SNRNP40: variants seen among roughly 807,000 people sequenced by gnomAD.
The protein encoded by SNRNP40 is U5 small nuclear ribonucleoprotein 40 kDa protein.
A neutral mutation model predicts 45.8 loss-of-function variants in SNRNP40; 21 were observed. The ratio of observed to expected loss-of-function variants is 0.46; its 90% CI spans 0.32 to 0.66. The LOEUF (loss-of-function observed/expected upper bound fraction) is 0.66. SNRNP40 is among the 30% of genes least tolerant of loss of function. SNRNP40 has a pLI of 0.03. For synonymous variants in SNRNP40, 142 were observed against 163.8 expected (o/e 0.87, Z 1.01); for missense variants, 344 against 439.1 (o/e 0.78, Z 1.94).
In SNRNP40 at chr1:31,261,637, AAGGT is replaced by A. The variant is rs1300650699; in HGVS notation, c.921-9_921-6del. ...GTATCCCACACATAAACAAACCTGT[AAGGT>A]ATCATGAAAAGCAAGGGTAAGTCCT... On this transcript the variant is annotated splice_polypyrimidine_tract_variant and splice_region_variant and intron_variant, in intron 8 of 9. Coordinates refer to ENST00000263694, the MANE Select transcript of SNRNP40 (RefSeq NM_004814.3). 1.2e-6 allele frequency: 2 copies of A among 1,604,456 alleles called. No homozygotes were observed. Among genetic ancestry groups the A allele is most frequent in the Non-Finnish European group, 1.7e-6 (2 of 1,171,436 alleles).
At chr1:31,280,154 G>C (rs1299556708) in intron 5 of SNRNP40, among the ~76,000 whole-genome samples, 2 of 138,316 alleles carry the variant, frequency 1.4e-5, no homozygotes, top group Non-Finnish European at 3.1e-5. Flanking sequence ...TTAGACAAAA[G>C]CAAGGATATT....
chr1:31,263,387 AAGG>A (rs1645874621), intron 8 of SNRNP40: 1 of 127,066 alleles, frequency 7.9e-6, no homozygotes. Context: ...CTATGTTGTT[AAGG>A]CTGGTCTTGA....
intron 4 of SNRNP40, chr1:31,282,549 G>A (rs562909174): frequency 4.0e-5 from 6 of 149,706 alleles, no homozygotes; most frequent in African/African-American, 1.5e-4. Flanking sequence ...CTCTCCCTCT[G>A]TCGCCTAGGC....
At chr1:31,277,526 AG>A (rs1645984178) in intron 5 of SNRNP40, among the ~76,000 whole-genome samples, 1 of 152,272 alleles carries the variant, frequency 6.6e-6, no homozygotes, top group Non-Finnish European at 1.5e-5. Context: ...CAGACAAATT[AG>A]GAAAAGTCTA....
chr1:31,267,606 G>A (rs112527453), intron 8 of SNRNP40, among the ~76,000 whole-genome samples: 10,806 of 152,122 alleles, frequency 0.071, 1,268 homozygotes, highest in African/African-American at 0.25. Flanking sequence ...CGTGATCTCG[G>A]CTCACCGCAA....
In SNRNP40 at chr1:31,291,951, A is replaced by T; in HGVS notation, c.327T>A (p.Ser109Arg). 6.2e-7 allele frequency: 1 copy of T among 1,613,512 alleles called. No individual in the cohort carries two copies. The highest frequency in any genetic ancestry group is 8.5e-7 in the Non-Finnish European group (1 of 1,179,438). ...TGTAATGCAATTCCATCACTGCTCC[A>T]CTGTGTCCCTTCAGTGTGGCATAGT... is the stretch of plus-strand genomic sequence containing the variant. ...CDNYATLKGH[S>R]GAVMELHYNT... The change falls in exon 3 of 10, where the codon AGT (serine) becomes AGA (arginine). Residue 109 changes from serine to arginine, a missense_variant. Coordinates refer to ENST00000263694, the MANE Select transcript of SNRNP40 (RefSeq NM_004814.3).
At chr1:31,295,472 G>T (rs1304527776) in intron 1 of SNRNP40, among the ~76,000 whole-genome samples, 2 of 152,226 alleles carry the variant, frequency 1.3e-5, no homozygotes, top group Non-Finnish European at 2.9e-5. Context: ...CGCAGGAGCT[G>T]AATAGTAAAC....
At chr1:31,268,827 T>C (rs1274510653) in intron 7 of SNRNP40, among the ~76,000 whole-genome samples, 1 of 152,126 alleles carries the variant, frequency 6.6e-6, no homozygotes, top group African/African-American at 2.4e-5. Context: ...GTTACAGCTA[T>C]GGGAGCTTGG....
At chr1:31,263,913 T>A (rs886395498) in intron 8 of SNRNP40, among the ~76,000 whole-genome samples, 231 of 106,848 alleles carry the variant, frequency 2.2e-3, no homozygotes, top group Middle Eastern at 0.011. Context: ...ATGTACTGGC[T>A]AAAAAAAAAA....
rs1252768942 is a variant in SNRNP40, at chr1:31,271,698, C to T, written c.655-199G>A. On this transcript the variant is annotated intron_variant, in intron 5 of 9. Transcript: ENST00000263694. ...CAGCGTCTCACTCTGTTGCCCAGTGCAGTGGCACTATCATGGCTCGCTGTA... is the reference window on the plus strand; with the variant it reads ...CAGCGTCTCACTCTGTTGCCCAGTGTAGTGGCACTATCATGGCTCGCTGTA... Among the ~76,000 whole-genome samples, 3 of 151,774 alleles carry T rather than the reference C, an allele frequency of 2.0e-5. No homozygotes were observed. The East Asian group carries it at 5.8e-4, about 29-fold the overall frequency.
In SNRNP40 at chr1:31,296,564, G is replaced by A. The variant is rs200483003; in HGVS notation, c.141+47C>T. The A allele has an allele frequency of 4.8e-5, 75 of 1,569,546 alleles. No individual in the cohort carries two copies. In the East Asian group the frequency reaches 1.5e-3, roughly 31 times the overall value. On this transcript the variant is annotated intron_variant, in intron 1 of 9. Coordinates refer to ENST00000263694, the MANE Select transcript of SNRNP40 (RefSeq NM_004814.3). ...GATCACCAGATACAGCGCTCTGAGG[G>A]GAGGAAGATGAGCTGAGGGCCAAAG...
intron 6 of SNRNP40, among the ~76,000 whole-genome samples, chr1:31,270,562 G>C (rs1339908240): frequency 6.6e-6 from 1 of 152,124 alleles, no homozygotes; most frequent in Non-Finnish European, 1.5e-5. Context: ...TTTTATTTGA[G>C]TATGAAAAAA....
intron 1 of SNRNP40, among the ~76,000 whole-genome samples, chr1:31,294,943 A>T (rs1050411706): frequency 1.4e-5 from 2 of 140,716 alleles, no homozygotes; most frequent in Non-Finnish European, 3.2e-5. Context: ...ATTCCATCTT[A>T]AAAAAAAAAA....
At chr1:31,269,472 G>A in intron 6 of SNRNP40, 3 of 1,019,602 alleles carry the variant, frequency 2.9e-6, no homozygotes, top group Non-Finnish European at 4.0e-6. Context: ...AAGGAAAAAT[G>A]TCACACACAA....
At chr1:31,296,539 G>A in intron 1 of SNRNP40, 72 bp downstream of exon 1, 3 of 1,516,790 alleles carry the variant, frequency 2.0e-6, no homozygotes, top group Non-Finnish European at 8.9e-7. Context: ...AAGGGTCAGG[G>A]ATCACCAGAT....
intron 4 of SNRNP40, among the ~76,000 whole-genome samples, chr1:31,283,525 C>T (rs1646034748): frequency 6.6e-6 from 1 of 152,130 alleles, no homozygotes; most frequent in Non-Finnish European, 1.5e-5. Context: ...ATCACTTGAA[C>T]CCGGGGAGTG....
chr1:31,259,772 TCCCAA>T lies in SNRNP40; in HGVS notation c.*295_*299del. 1 of 471,358 alleles carries T rather than the reference TCCCAA, an allele frequency of 2.1e-6. No individual in the cohort carries two copies. Among genetic ancestry groups the T allele is most frequent in the South Asian group, 1.8e-5 (1 of 56,838 alleles). The allele number at this position is 471,358 out of a possible 1,614,324, so 29.2% of individuals were successfully genotyped here. ...GCCAGTTACAAAAAAAAAAAAAAAA[TCCCAA>T]CCAACAAATTTGTCACATTGGGCCT... On this transcript the variant is annotated 3_prime_UTR_variant, in exon 10 of 10. Transcript: ENST00000263694.
chr1:31,268,019 T>G, intron 7 of SNRNP40, 87 bp from the exon 8 acceptor site: 2 of 867,590 alleles, frequency 2.3e-6, no homozygotes, highest in East Asian at 2.5e-5. Context: ...TTAAATTTCC[T>G]AACTAGAGTT....
At chr1:31,261,737 T>C (rs1645860570) in intron 8 of SNRNP40, 105 bp from the exon 9 acceptor site, 2 of 670,900 alleles carry the variant, frequency 3.0e-6, no homozygotes, top group Admixed American at 2.6e-5. Context: ...TTACTTACCT[T>C]ACATTTACTG....
Sources: allele counts gnomAD v4.1 joint callset (sites outside exome capture counted in the v4.1 genomes callset), GRCh38; gene constraint gnomAD v4.1.1; transcripts MANE v1.5; gene names NCBI Gene and HGNC (gene_info 2026-07-23, HGNC 2026-07-21).